ENTPD5: variants seen among roughly 807,000 people sequenced by gnomAD.
ENTPD5 encodes the protein ectonucleoside triphosphate diphosphohydrolase 5 (inactive).
In ENTPD5, 49 loss-of-function variants were observed where a neutral mutation model predicts 60.2. The ratio of observed to expected loss-of-function variants is 0.81; its 90% CI spans 0.65 to 1.03. The LOEUF is 1.03. Ranked by LOEUF, ENTPD5 falls within the 50% of genes least tolerant of loss-of-function variation. The pLI, the probability that ENTPD5 is intolerant of heterozygous loss-of-function variation, is 0.00. For synonymous variants in ENTPD5, 187 were observed against 185.4 expected (o/e 1.01, Z -0.07); for missense variants, 480 against 507.6 (o/e 0.95, Z 0.52).
chr14:73,958,097 C>T (rs749308575), downstream of ENTPD5: 3 of 1,471,632 alleles, frequency 2.0e-6, no homozygotes, highest in East Asian at 4.5e-5. Flanking sequence ...TTTCCTCAGC[C>T]TATGTGGCCC....
intron 1 of ENTPD5, chr14:74,018,586 G>A (rs1371429932): frequency 6.6e-6 from 1 of 152,260 alleles, no homozygotes; most frequent in East Asian, 1.9e-4. Flanking sequence ...AAGTTGAAGA[G>A]CTTCCAACTT....
intron 3 of ENTPD5, among the ~76,000 whole-genome samples, chr14:74,007,454 AGAGGTTGCAGT>A (rs2058714589): frequency 4.6e-5 from 7 of 151,960 alleles, no homozygotes; most frequent in Admixed American, 4.6e-4. Flanking sequence ...CCCAAGAGGC[AGAGGTTGCAGT>A]GAGCTGAGAT....
At chr14:73,958,056 TG>T, downstream of ENTPD5, 2 of 1,003,502 alleles carry the variant, frequency 2.0e-6, no homozygotes, top group Non-Finnish European at 3.2e-6. Flanking sequence ...ACTGCTGTCC[TG>T]GGACCTTGCT....
chr14:73,983,031 G>A lies in ENTPD5; in HGVS notation c.428C>T (p.Ala143Val). ...TTTAAAACTTACCTCAAAGAGCAGA[G>A]CCTTGGCTTTGTGTTCTGGCAGTAA... ...LRLLPEHKAK[A>V]LLFEVKEIFR... is the part of the protein sequence containing the mutation. The change falls in exon 6 of 16, where the codon GCT becomes GTT. Residue 143 changes from alanine (A) to valine (V), a missense_variant. By Grantham distance (64) the Ala-to-Val change is moderately conservative (BLOSUM62 0). Transcript: ENST00000334696. The A allele has an allele frequency of 6.2e-7, 1 of 1,614,072 alleles. No homozygotes were observed. The highest frequency in any genetic ancestry group is 8.5e-7 in the Non-Finnish European group (1 of 1,179,960).
intron 2 of ENTPD5, among the ~76,000 whole-genome samples, chr14:74,012,567 C>T (rs762987002): frequency 3.3e-5 from 5 of 152,164 alleles, no homozygotes; most frequent in African/African-American, 2.4e-5. Context: ...AAGTTACAAA[C>T]TCAAACACCT....
At chr14:73,960,203 C>T, downstream of ENTPD5, 1 of 988,162 alleles carries the variant, frequency 1.0e-6, no homozygotes, top group Non-Finnish European at 1.2e-6. Context: ...CAGCATGGGG[C>T]TTAAGAGTAA....
At chr14:73,991,717 C>A (rs1469618787) in intron 3 of ENTPD5, among the ~76,000 whole-genome samples, 3 of 151,342 alleles carry the variant, frequency 2.0e-5, no homozygotes, top group African/African-American at 7.3e-5. Flanking sequence ...AATAGCACAT[C>A]CCGCCCCTCC....
downstream of ENTPD5, chr14:73,961,042 G>A: frequency 9.6e-7 from 1 of 1,047,102 alleles, no homozygotes; most frequent in Non-Finnish European, 1.4e-6. Context: ...CTTATCACTT[G>A]TCAAGATCAG....
In ENTPD5 at chr14:73,987,866, A is replaced by C. The variant is rs745880308; in HGVS notation, c.217+20T>G. ...AAGTGTGGATTTACAGACTCTACTAAGGGTCCCAGTTGCACTTACCTGGCA... is the reference window on the plus strand; with the variant it reads ...AAGTGTGGATTTACAGACTCTACTACGGGTCCCAGTTGCACTTACCTGGCA... On this transcript the variant is annotated intron_variant, in intron 4 of 15. Transcript: ENST00000334696. The C allele has an allele frequency of 1.8e-5, 29 of 1,612,890 alleles. No homozygotes were observed. The South Asian group carries it at 3.1e-4, about 17-fold the overall frequency.
intron 8 of ENTPD5, 137 bp downstream of exon 8, chr14:73,976,887 A>G: frequency 2.6e-6 from 2 of 770,372 alleles, no homozygotes; most frequent in Non-Finnish European, 4.2e-6. Flanking sequence ...ATTAACAGGC[A>G]TGAACTGCCA....
rs112307116 is a variant in ENTPD5 at position 73,974,960 on chromosome 14, C to A, written c.748G>T (p.Ala250Ser). 3 of 1,613,568 alleles carry A rather than the reference C, an allele frequency of 1.9e-6. No homozygotes were observed. In the Admixed American group the frequency reaches 5.0e-5, roughly 27 times the overall value. Residue 250 changes from alanine to serine, a missense_variant, in exon 11 of 16, where the codon GCA (alanine) becomes TCA (serine). Physicochemically the swap from Ala to Ser is moderately conservative, Grantham distance 99. Transcript: ENST00000334696. The part of the protein sequence containing the change: ...HSYLGFGLKA[A>S]RLATLGALET... ...AGGGCTCCCAGGGTTGCTAGTCTTG[C>A]AGCTTTCAATCCAAATCCCAGGTAA...
downstream of ENTPD5, chr14:73,958,042 A>G (rs1334245716): frequency 1.1e-6 from 1 of 885,452 alleles, no homozygotes; most frequent in Non-Finnish European, 1.9e-6. Flanking sequence ...TTAAATGACA[A>G]GACACTGCTG....
At chr14:74,003,945 T>C (rs77422759) in intron 3 of ENTPD5, among the ~76,000 whole-genome samples, 1 of 151,250 alleles carries the variant, frequency 6.6e-6, no homozygotes, top group Non-Finnish European at 1.5e-5. Context: ...AATTTTTTTT[T>C]AATGAAAAAA....
At chr14:73,956,061 A>T, downstream of ENTPD5, 3 of 1,335,430 alleles carry the variant, frequency 2.2e-6, no homozygotes, top group Admixed American at 1.7e-5. Context: ...GCGGTGGCTC[A>T]CGCCTGTAAT....
chr14:73,969,909 T>C, intron 15 of ENTPD5, 101 bp downstream of exon 15: 5 of 835,898 alleles, frequency 6.0e-6, no homozygotes, highest in Non-Finnish European at 1.0e-5. Context: ...AAATACCTCA[T>C]AATTTCACTT....
chr14:73,971,028 G>A (rs2057200422), intron 14 of ENTPD5, among the ~76,000 whole-genome samples: 1 of 151,792 alleles, frequency 6.6e-6, no homozygotes, highest in East Asian at 1.9e-4. Context: ...AGCCTCTGTG[G>A]CTATTTACCA....
downstream of ENTPD5, chr14:73,961,164 G>A (rs1196720660): frequency 1.2e-6 from 2 of 1,612,616 alleles, no homozygotes; most frequent in African/African-American, 2.7e-5. Flanking sequence ...TGTGGCTGAT[G>A]CTGCTCAGTG....
chr14:74,008,139 A>G (rs1032845427), intron 3 of ENTPD5, among the ~76,000 whole-genome samples: 5 of 150,790 alleles, frequency 3.3e-5, no homozygotes, highest in Admixed American at 6.6e-5. Flanking sequence ...CAGACAAAGA[A>G]AAAAAAAATT....
chr14:74,003,306 G>A (rs997451802), intron 3 of ENTPD5: 13 of 439,248 alleles, frequency 3.0e-5, no homozygotes, highest in East Asian at 1.0e-4. Context: ...CTAGAAGAGC[G>A]TCCAAGGTGG....
Sources: gnomAD v4.1 joint callset for allele counts (sites outside exome capture counted in the v4.1 genomes callset) on GRCh38, gnomAD v4.1.1 for gene constraint, MANE v1.5 for transcripts, NCBI Gene and HGNC (gene_info 2026-07-23, HGNC 2026-07-21) for gene names.